Variants in BRCA1 observed in about 807,000 individuals in gnomAD.
The protein encoded by BRCA1 is breast cancer type 1 susceptibility protein.
In BRCA1, 140 loss-of-function variants were observed where a neutral mutation model predicts 173.7. That is an observed-to-expected ratio of 0.81 (90% CI 0.70 to 0.93). BRCA1 has a LOEUF of 0.93. Ranked by LOEUF, BRCA1 falls within the 40% of genes least tolerant of loss-of-function variation. BRCA1 has a pLI of 0.00. For missense variants in BRCA1, 1,983 were observed against 2,172.5 expected (o/e 0.91, Z 1.73); for synonymous variants, 662 against 756.0 (o/e 0.88, Z 2.04).
At chr17:43,100,680 T>TATATATATATATATATA (rs2054419981) in intron 6 of BRCA1, among the ~76,000 whole-genome samples, 6 of 11,068 alleles carry the variant, frequency 5.4e-4, no homozygotes, top group East Asian at 5.6e-3. Context: ...ATATATATAA[T>TATATATATATATATATA]ATATATATAT....
rs80357019 is a variant in BRCA1 at position 43,045,743 on chromosome 17, C to A, written c.5527G>T (p.Ala1843Ser). ...VTREWVLDSV[A>S]LYQCQELDTY... Reference sequence around the variant, plus strand: ...TCCAGCTCCTGGCACTGGTAGAGTGCTACACTGTCCAACACCCACTCTCGG... The same window carrying A: ...TCCAGCTCCTGGCACTGGTAGAGTGATACACTGTCCAACACCCACTCTCGG... The change falls in exon 23 of 23, where the codon GCA (alanine) becomes TCA (serine). Residue 1843 changes from alanine to serine, a missense_variant. By Grantham distance (99) the Ala-to-Ser change is moderately conservative. Transcript: ENST00000357654. 6.2e-7 allele frequency: 1 copy of A among 1,614,010 alleles called. No homozygotes were observed. Among genetic ancestry groups the A allele is most frequent in the Non-Finnish European group, 8.5e-7 (1 of 1,180,004 alleles).
At chr17:43,065,858 G>A (rs1370410270) in intron 16 of BRCA1, among the ~76,000 whole-genome samples, 2 of 152,154 alleles carry the variant, frequency 1.3e-5, no homozygotes, top group Non-Finnish European at 2.9e-5. Flanking sequence ...GTTCTCTTCC[G>A]GGTAACGGTT....
chr17:43,126,816 C>T (rs935997442), upstream of BRCA1, among the ~76,000 whole-genome samples: 1 of 152,204 alleles, frequency 6.6e-6, no homozygotes, highest in Non-Finnish European at 1.5e-5. Flanking sequence ...AGCCGGCTCC[C>T]TCTGCTTGCG....
rs2050791229 is a variant in BRCA1 at position 43,044,577 on chromosome 17, G to T, written c.*1101C>A. 2.0e-6 allele frequency: 1 copy of T among 504,938 alleles called. No individual in the cohort carries two copies. Among genetic ancestry groups the T allele is most frequent in the East Asian group, 4.5e-5 (1 of 22,394 alleles). 31.3% of individuals were successfully genotyped at this position (504,938 alleles called of 1,614,324 possible). On this transcript the variant is annotated 3_prime_UTR_variant, in exon 23 of 23. Transcript: ENST00000357654. ...AACAGCTTCCTTCCTGGTGGGATCT[G>T]TCATTTTATAGATATGAAATATTCA...
intron 1 of BRCA1, chr17:43,169,826 T>G: frequency 3.6e-6 from 1 of 280,588 alleles, no homozygotes; most frequent in South Asian, 3.1e-5. Flanking sequence ...CCCCACGGCC[T>G]GTCCCCCGTC....
intron 1 of BRCA1, among the ~76,000 whole-genome samples, chr17:43,135,297 G>A (rs111461368): frequency 2.2e-5 from 3 of 136,374 alleles, no homozygotes; most frequent in Non-Finnish European, 5.0e-5. Context: ...AGAGCGCAGC[G>A]GCCGGCCCAG....
chr17:43,091,315 T>C (rs1374254014), intron 10 of BRCA1, 120 bp downstream of exon 10: 1 of 1,320,076 alleles, frequency 7.6e-7, no homozygotes, highest in Admixed American at 1.9e-5. Flanking sequence ...TGTTTCAAGT[T>C]TAAGAAGCAG....
At chr17:43,053,342 G>A (rs896681753) in intron 19 of BRCA1, among the ~76,000 whole-genome samples, 7 of 152,178 alleles carry the variant, frequency 4.6e-5, no homozygotes, top group Non-Finnish European at 7.3e-5. Flanking sequence ...ACTCAGTGAT[G>A]AGGATGCCTA....
At chr17:43,148,980 G>C (rs932558991) in intron 1 of BRCA1, among the ~76,000 whole-genome samples, 1 of 152,146 alleles carries the variant, frequency 6.6e-6, no homozygotes, top group Non-Finnish European at 1.5e-5. Flanking sequence ...GCGGGGGACT[G>C]GTTCTAGGAT....
intron 2 of BRCA1, among the ~76,000 whole-genome samples, chr17:43,121,307 G>A (rs2055558309): frequency 6.6e-6 from 1 of 151,966 alleles, no homozygotes; most frequent in Non-Finnish European, 1.5e-5. Context: ...CCCGGGAGGC[G>A]GAGCTGGCAG....
chr17:43,106,076 G>T (rs981537930), intron 4 of BRCA1, among the ~76,000 whole-genome samples: 6 of 148,686 alleles, frequency 4.0e-5, no homozygotes, highest in East Asian at 3.9e-4. Context: ...CCGAGATCAC[G>T]CCACTGCACT....
At chr17:43,163,726 C>T (rs922418044) in intron 1 of BRCA1, 11 of 152,194 alleles carry the variant, frequency 7.2e-5, no homozygotes, top group Admixed American at 1.3e-4. Context: ...CACATCTGCT[C>T]GGGGATGAAC....
intron 11 of BRCA1, among the ~76,000 whole-genome samples, chr17:43,088,225 T>C (rs2053305259): frequency 6.6e-6 from 1 of 152,204 alleles, no homozygotes; most frequent in South Asian, 2.1e-4. Context: ...TTTCACACTG[T>C]TGTGTTACCA....
intron 2 of BRCA1, among the ~76,000 whole-genome samples, chr17:43,123,212 C>G (rs1383922609): frequency 6.6e-6 from 1 of 151,452 alleles, no homozygotes; most frequent in African/African-American, 2.4e-5. Flanking sequence ...AGCCTCTCGA[C>G]AGAGATCCTA....
chr17:43,101,787 C>G (rs2054487792), intron 6 of BRCA1, among the ~76,000 whole-genome samples: 1 of 152,138 alleles, frequency 6.6e-6, no homozygotes, highest in Admixed American at 6.5e-5. Context: ...CAGGTGCAAG[C>G]TACTACGCCC....
chr17:43,084,625 T>G (rs8176178), intron 11 of BRCA1, among the ~76,000 whole-genome samples: 1 of 152,212 alleles, frequency 6.6e-6, no homozygotes, highest in Admixed American at 6.5e-5. Context: ...GCCATCTTCT[T>G]TCTCCTGCTA....
intron 19 of BRCA1, among the ~76,000 whole-genome samples, chr17:43,052,675 T>C (rs191850318): frequency 1.4e-3 from 217 of 152,002 alleles, no homozygotes; most frequent in African/African-American, 5.1e-3. Context: ...AAAATTCACC[T>C]GGCTTCAAAG....
rs2056065773 is a variant in BRCA1 at position 43,140,226 on chromosome 17, C to T, written c.-19-16111G>A. On this transcript the variant is annotated intron_variant, in intron 1 of 7. Coordinates refer to the BRCA1 transcript ENST00000634433. The stretch of plus-strand genomic sequence containing the variant: ...GTGCCGGGAGGATGGTGCACCCCAA[C>T]TCCACAAGGACCCTTCCAGACCTCA... 4 of 260,034 alleles carry T rather than the reference C, an allele frequency of 1.5e-5. No homozygotes were observed. The South Asian group carries it at 1.6e-4, about 10-fold the overall frequency. 16.1% of individuals were successfully genotyped at this position (260,034 alleles called of 1,614,324 possible).
chr17:43,076,529 T>C lies in BRCA1; in HGVS notation c.4443A>G (p.Ala1481=). Reference sequence around the variant, plus strand: ...CTTTATTTTTACTGGTAGAACTATCTGCAGACACCTCAAACTTGTCAGCAG... The same window carrying C: ...CTTTATTTTTACTGGTAGAACTATCCGCAGACACCTCAAACTTGTCAGCAG... ...GLSADKFEVS[A]DSSTSKNKEP... Residue 1481 remains alanine, a synonymous_variant, in exon 13 of 23, where the codon GCA becomes GCG. Transcript: ENST00000357654. 2 of 1,613,890 alleles carry C rather than the reference T, an allele frequency of 1.2e-6. No individual in the cohort carries two copies. The highest frequency in any genetic ancestry group is 2.2e-5 in the South Asian group (2 of 91,074).
Sources: allele counts gnomAD v4.1 joint callset (sites outside exome capture counted in the v4.1 genomes callset), GRCh38; gene constraint gnomAD v4.1.1; transcripts MANE v1.5; gene names NCBI Gene and HGNC (gene_info 2026-07-23, HGNC 2026-07-21).